NECTIN1: variants seen among roughly 807,000 people sequenced by gnomAD.
NECTIN1 encodes the protein nectin-1.
A neutral mutation model predicts 48.0 loss-of-function variants in NECTIN1; 23 were observed. That is an observed-to-expected ratio of 0.48 (90% CI 0.34 to 0.68). NECTIN1 has a LOEUF of 0.68. Ranked by LOEUF, NECTIN1 falls within the 30% of genes least tolerant of loss-of-function variation. NECTIN1 has a pLI of 0.01. For synonymous variants in NECTIN1, 270 were observed against 288.9 expected, an observed-to-expected ratio of 0.93 and a Z score of 0.66; for missense variants, 591 against 709.9, an observed-to-expected ratio of 0.83 and a Z score of 1.90.
intron 1 of NECTIN1, chr11:119,713,858 G>C (rs1335374733): frequency 4.4e-6 from 2 of 455,932 alleles, no homozygotes; most frequent in African/African-American, 4.0e-5. Context: ...CTACAGTCCT[G>C]GGCCCGGCGT....
chr11:119,648,289 A>ATGGTGG (rs1263768008), intron 5 of NECTIN1, among the ~76,000 whole-genome samples: 2 of 10,762 alleles, frequency 1.9e-4, no homozygotes, highest in African/African-American at 3.1e-4. Flanking sequence ...GGTGGTGGTG[A>ATGGTGG]TGGTGGTGGT....
intron 5 of NECTIN1, chr11:119,653,990 G>T (rs1864530439): frequency 6.6e-6 from 1 of 152,176 alleles, no homozygotes; most frequent in East Asian, 1.9e-4. Flanking sequence ...AGGTCAGTTT[G>T]ACTCTAAAGC....
At chr11:119,714,653 C>G (rs1865717201) in intron 1 of NECTIN1, among the ~76,000 whole-genome samples, 2 of 151,988 alleles carry the variant, frequency 1.3e-5, no homozygotes, top group Non-Finnish European at 2.9e-5. Context: ...CTCTCCCTGT[C>G]CCCTCTCTCC....
rs925153739 is a variant in NECTIN1 at position 119,673,019 on chromosome 11, C to T, written c.1003+2140G>A. On this transcript the variant is annotated intron_variant, in intron 5 of 5. Coordinates refer to ENST00000264025, the MANE Select transcript of NECTIN1 (RefSeq NM_002855.5). This position sits in a 1 kb window ranked among gnomAD's most constrained non-coding sequence, Gnocchi z 5.8. ...GCCCAGGGTAAAGTTATTACCCGAACGAATGCCCAGAATGAAAAATTAAAT... is the reference window on the plus strand; with the variant it reads ...GCCCAGGGTAAAGTTATTACCCGAATGAATGCCCAGAATGAAAAATTAAAT... 2.6e-5 allele frequency among the ~76,000 whole-genome samples: 4 copies of T among 152,234 alleles called. No individual in the cohort carries two copies. The highest frequency in any genetic ancestry group is 5.9e-5 in the Non-Finnish European group (4 of 68,050).
At chr11:119,660,949 C>T (rs1286490701), downstream of NECTIN1, 2 of 929,108 alleles carry the variant, frequency 2.2e-6, no homozygotes, top group Non-Finnish European at 2.6e-6. Flanking sequence ...GCCTTCCCCG[C>T]CCCCACTGCC....
At chr11:119,690,178 G>A (rs1168586185) in intron 1 of NECTIN1, among the ~76,000 whole-genome samples, 1 of 152,084 alleles carries the variant, frequency 6.6e-6, no homozygotes, top group Non-Finnish European at 1.5e-5. Context: ...GGAGACAGCC[G>A]GAGCTCCTTT....
At chr11:119,699,066 T>C (rs538269012) in intron 1 of NECTIN1, among the ~76,000 whole-genome samples, 12 of 152,310 alleles carry the variant, frequency 7.9e-5, no homozygotes, top group African/African-American at 2.6e-4. Flanking sequence ...GTGCCTGCCC[T>C]GGTCCTGGAG....
chr11:119,675,745 C>T lies in NECTIN1; in HGVS notation c.852-435G>A, dbSNP rs544124884. 654 of 203,926 alleles carry T rather than the reference C, an allele frequency of 3.2e-3. 9 individuals are homozygous for T. The highest frequency in any genetic ancestry group is 0.014 in the African/African-American group (599 of 43,236). 12.6% of individuals were successfully genotyped at this position (203,926 alleles called of 1,614,324 possible). A position where few individuals can be genotyped will look rare whatever the true frequency, so the allele number is the denominator to read the frequency against. ...GATGCCAGCCAGGTGTGGTGGCTCA[C>T]GCCTGTAATCCCAGCACTTTGGGAG... On this transcript the variant is annotated intron_variant, in intron 4 of 5. Coordinates refer to ENST00000264025, the MANE Select transcript of NECTIN1 (RefSeq NM_002855.5).
At chr11:119,722,567 G>T (rs967143532) in intron 1 of NECTIN1, among the ~76,000 whole-genome samples, 1 of 152,236 alleles carries the variant, frequency 6.6e-6, no homozygotes, top group Non-Finnish European at 1.5e-5. Context: ...GGCAGGTGCC[G>T]GGAGAGCCCT....
Position 119,664,978 on chromosome 11 carries a change from C to G in NECTIN1, c.1323G>C (p.Glu441Asp). ...LGGSSYEEEE[E>D]EEEGGGGGER... ...CGCCCCCTCCACCGCCCTCCTCCTC[C>G]TCCTCCTCCTCCTCATAGCTGCTTC... Residue 441 changes from glutamate to aspartate, a missense_variant, in exon 6 of 6, where the codon GAG becomes GAC. Physicochemically the swap from Glu to Asp is conservative, Grantham distance 45. Transcript: ENST00000264025. 6.2e-7 allele frequency: 1 copy of G among 1,613,390 alleles called. No homozygotes were observed. Among genetic ancestry groups the G allele is most frequent in the Non-Finnish European group, 8.5e-7 (1 of 1,179,500 alleles).
chr11:119,674,991 G>T (rs1270654098), intron 5 of NECTIN1, among the ~76,000 whole-genome samples, 168 bp downstream of exon 5: 3 of 152,156 alleles, frequency 2.0e-5, no homozygotes, highest in Non-Finnish European at 4.4e-5. Flanking sequence ...ACCCTTTAAT[G>T]AAAGAAAGAG....
chr11:119,665,345 G>T lies in NECTIN1; in HGVS notation c.1004-48C>A. The T allele has an allele frequency of 6.5e-7, 1 of 1,527,254 alleles. No individual in the cohort carries two copies. The highest frequency in any genetic ancestry group is 8.8e-7 in the Non-Finnish European group (1 of 1,141,450). The allele number at this position is 1,527,254 out of a possible 1,614,324, so 94.6% of individuals were successfully genotyped here. A position where few individuals can be genotyped will look rare whatever the true frequency, so the allele number is the denominator to read the frequency against. ...GGGGACAGCATCAGCGTGTGCTCCTGGGGTGTAGAGGGGGTGGGAGGGAGG... is the reference window on the plus strand; with the variant it reads ...GGGGACAGCATCAGCGTGTGCTCCTTGGGTGTAGAGGGGGTGGGAGGGAGG... On this transcript the variant is annotated intron_variant, in intron 5 of 5. Transcript: ENST00000264025. This position sits in a 1 kb window ranked among gnomAD's most constrained non-coding sequence, Gnocchi z 5.1.
In NECTIN1 at chr11:119,727,174, A is replaced by T. The variant is rs1865922511; in HGVS notation, c.79+1301T>A. Among the ~76,000 whole-genome samples, 1 of 152,222 alleles carries T rather than the reference A, an allele frequency of 6.6e-6. No individual in the cohort carries two copies. Among genetic ancestry groups the T allele is most frequent in the African/African-American group, 2.4e-5 (1 of 41,458 alleles). ...AGCAGAAGAGGCATAGAAGGGAATG[A>T]GGCCAGGCTTCTGCCTTCCAGGAGT... On this transcript the variant is annotated intron_variant, in intron 1 of 5. Coordinates refer to ENST00000264025, the MANE Select transcript of NECTIN1 (RefSeq NM_002855.5). The surrounding 1 kb of genome is among the most constrained non-coding windows in gnomAD (Gnocchi z 4.1).
chr11:119,725,246 G>A (rs989401420), intron 1 of NECTIN1, among the ~76,000 whole-genome samples: 8 of 152,190 alleles, frequency 5.3e-5, no homozygotes, highest in African/African-American at 1.4e-4. Context: ...AGCAGAGTCC[G>A]GGGGTCAAAC....
intron 1 of NECTIN1, among the ~76,000 whole-genome samples, chr11:119,680,337 C>T (rs1257104554): frequency 6.6e-6 from 1 of 152,180 alleles, no homozygotes; most frequent in Admixed American, 6.5e-5. Flanking sequence ...GTCTTTGTAT[C>T]CTTACTTCAC....
intron 1 of NECTIN1, among the ~76,000 whole-genome samples, chr11:119,726,202 G>T (rs2134350505): frequency 6.6e-6 from 1 of 152,310 alleles, no homozygotes; most frequent in Non-Finnish European, 1.5e-5. Flanking sequence ...CATCAGACTG[G>T]CAAGTCCCTA....
chr11:119,670,333 G>T (rs1864844682), intron 5 of NECTIN1, among the ~76,000 whole-genome samples: 1 of 152,070 alleles, frequency 6.6e-6, no homozygotes, highest in Admixed American at 6.5e-5. Context: ...ACAAGGATAG[G>T]GACTTTTTGT....
chr11:119,697,935 G>A (rs1865370216), intron 1 of NECTIN1, among the ~76,000 whole-genome samples: 1 of 152,246 alleles, frequency 6.6e-6, no homozygotes, highest in Admixed American at 6.5e-5. Flanking sequence ...TGAAGCCCTC[G>A]GTGTCCTGCC....
At chr11:119,728,325 C>T (rs1865951296) in intron 1 of NECTIN1, 150 bp downstream of exon 1, 5 of 663,016 alleles carry the variant, frequency 7.5e-6, no homozygotes, top group Non-Finnish European at 1.0e-5. Flanking sequence ...TCTTTCTCCG[C>T]CGTGCCACCT....
Sources: allele counts gnomAD v4.1 joint callset (sites outside exome capture counted in the v4.1 genomes callset), GRCh38; gene constraint gnomAD v4.1.1; non-coding constraint Gnocchi (gnomAD v3.1); transcripts MANE v1.5; gene names NCBI Gene and HGNC (gene_info 2026-07-23, HGNC 2026-07-21).